Variants in SLC38A1 observed in about 807,000 individuals in gnomAD.
SLC38A1 encodes sodium-coupled neutral amino acid symporter 1.
In SLC38A1, 18 loss-of-function variants were observed where a neutral mutation model predicts 60.3. The ratio of observed to expected loss-of-function variants is 0.30; its 90% CI spans 0.21 to 0.44. The LOEUF (loss-of-function observed/expected upper bound fraction) is 0.44, where lower values mean the gene tolerates loss of function less well. Among genes scored for constraint, SLC38A1 ranks in the 20% least tolerant of loss-of-function variants. The pLI is 1.00. For missense variants in SLC38A1, 448 were observed against 587.2 expected (o/e 0.76, Z 2.45); for synonymous variants, 196 against 212.1 (o/e 0.92, Z 0.66).
At chr12:46,263,063 A>C (rs1217907825) in intron 1 of SLC38A1, among the ~76,000 whole-genome samples, 1 of 152,240 alleles carries the variant, frequency 6.6e-6, no homozygotes, top group Non-Finnish European at 1.5e-5. Flanking sequence ...AATAGGCCTC[A>C]GTTCTAACAG....
Position 46,226,617 on chromosome 12 carries a change from CTTTTTTTTTTTT to C in SLC38A1, c.314+2524_314+2535del, listed in dbSNP as rs199599486. On this transcript the variant is annotated intron_variant, in intron 5 of 16. Coordinates refer to ENST00000398637, the MANE Select transcript of SLC38A1 (RefSeq NM_030674.4). ...TCCCAAACTGAAGGTCATGGATTTCCTTTTTTTTTTTTTTTTTTTTTTTTTGAGACGGAATCT... is the reference window on the plus strand; with the variant it reads ...TCCCAAACTGAAGGTCATGGATTTCCTTTTTTTTTTTTTGAGACGGAATCT... Among the ~76,000 whole-genome samples the C allele has an allele frequency of 3.7e-4, 45 of 123,006 alleles. 1 individual carries two copies. The highest frequency in any genetic ancestry group is 2.7e-3 in the Admixed American group (32 of 11,640). The allele number at this position is 123,006 out of a possible 152,430, so 80.7% of individuals were successfully genotyped here.
At chr12:46,232,744 T>C (rs1941122463) in intron 3 of SLC38A1, among the ~76,000 whole-genome samples, 1 of 152,236 alleles carries the variant, frequency 6.6e-6, no homozygotes, top group Admixed American at 6.5e-5. Flanking sequence ...AATCCAAGGA[T>C]GCTCAAGTCC....
chr12:46,185,302 A>T lies in SLC38A1; in HGVS notation c.*3668T>A, dbSNP rs1284262511. ...ACCACTGGCTTAGAGGCATGAATCA[A>T]GCTCTAGAAAGCAGTCAGTTCCAGG... On this transcript the variant is annotated 3_prime_UTR_variant, in exon 17 of 17. Coordinates refer to ENST00000398637, the MANE Select transcript of SLC38A1 (RefSeq NM_030674.4). 1 of 152,158 alleles carries T rather than the reference A, an allele frequency of 6.6e-6. No individual in the cohort carries two copies. Among genetic ancestry groups the T allele is most frequent in the Non-Finnish European group, 1.5e-5 (1 of 68,070 alleles). The allele number at this position is 152,158 out of a possible 1,614,324, so 9.4% of individuals were successfully genotyped here.
In SLC38A1 at chr12:46,255,455, A is replaced by T. The variant is rs547900087; in HGVS notation, c.-208-12141T>A. Among the ~76,000 whole-genome samples, 49 of 152,314 alleles carry T rather than the reference A, an allele frequency of 3.2e-4. No homozygotes were observed. The South Asian group carries it at 6.0e-3, about 19-fold the overall frequency. On this transcript the variant is annotated intron_variant, in intron 1 of 16. Transcript: ENST00000398637. ...CACATACAGAATCCTTTTTTACAAGATTAGTTTTTTACACTTTCCATAACT... is the reference window on the plus strand; with the variant it reads ...CACATACAGAATCCTTTTTTACAAGTTTAGTTTTTTACACTTTCCATAACT...
chr12:46,228,303 A>T (rs537384945), intron 5 of SLC38A1, among the ~76,000 whole-genome samples: 1 of 152,322 alleles, frequency 6.6e-6, no homozygotes, highest in South Asian at 2.1e-4. Flanking sequence ...TTTTGAAAGG[A>T]TATCCACAGT....
chr12:46,200,798 C>G (rs886432412), intron 13 of SLC38A1, among the ~76,000 whole-genome samples: 1 of 152,128 alleles, frequency 6.6e-6, no homozygotes, highest in African/African-American at 2.4e-5. Context: ...ATTAGGAAAG[C>G]CTTCTCTGAT....
At position 46,184,957 on chromosome 12, in the gene SLC38A1, G is replaced by A. The variant is rs1938885825; in HGVS notation, c.*4013C>T. 1 of 152,130 alleles carries A rather than the reference G, an allele frequency of 6.6e-6. No individual in the cohort carries two copies. The highest frequency in any genetic ancestry group is 1.5e-5 in the Non-Finnish European group (1 of 68,016). The allele number at this position is 152,130 out of a possible 1,614,324, so 9.4% of individuals were successfully genotyped here. On this transcript the variant is annotated 3_prime_UTR_variant, in exon 17 of 17. Transcript: ENST00000398637. ...TCAACGAGAAGGGGATAACCAGGTGGCAGCGCTGGATTCACTCACTTTCTT... is the reference window on the plus strand; with the variant it reads ...TCAACGAGAAGGGGATAACCAGGTGACAGCGCTGGATTCACTCACTTTCTT...
intron 3 of SLC38A1, among the ~76,000 whole-genome samples, chr12:46,234,553 T>C (rs1436170667): frequency 6.6e-6 from 1 of 151,576 alleles, no homozygotes; most frequent in Admixed American, 6.6e-5. Context: ...GTTCACGCCA[T>C]TCTCCTGCCT....
At chr12:46,203,346 A>T (rs1939747870) in intron 11 of SLC38A1, among the ~76,000 whole-genome samples, 1 of 152,162 alleles carries the variant, frequency 6.6e-6, no homozygotes, top group South Asian at 2.1e-4. Flanking sequence ...CTCCAGGTAT[A>T]CAACACCCCC....
intron 5 of SLC38A1, among the ~76,000 whole-genome samples, chr12:46,225,292 G>A (rs1940819039): frequency 6.6e-6 from 1 of 152,164 alleles, no homozygotes; most frequent in Non-Finnish European, 1.5e-5. Flanking sequence ...TCAAGAAATA[G>A]CTAGATTCCC....
chr12:46,205,523 T>C (rs1235557774), intron 9 of SLC38A1, among the ~76,000 whole-genome samples: 2 of 152,162 alleles, frequency 1.3e-5, no homozygotes, highest in African/African-American at 4.8e-5. Context: ...TCAGGCATCC[T>C]TGTCTCCAAA....
chr12:46,254,429 T>A (rs112070991), intron 1 of SLC38A1, among the ~76,000 whole-genome samples: 2,335 of 152,342 alleles, frequency 0.015, 60 homozygotes, highest in African/African-American at 0.053. Flanking sequence ...CTTGGCCTGA[T>A]TTTTTGTATA....
At chr12:46,255,250 G>A (rs368369029) in intron 1 of SLC38A1, among the ~76,000 whole-genome samples, 8 of 152,158 alleles carry the variant, frequency 5.3e-5, no homozygotes, top group Non-Finnish European at 1.2e-4. Flanking sequence ...TTAAAGCCAC[G>A]ATTGACTAGG....
rs1938974960 is a variant in SLC38A1 at position 46,187,467 on chromosome 12, TG to T, written c.*1502del. 1.3e-5 allele frequency: 2 copies of T among 152,236 alleles called. No individual in the cohort carries two copies. Among genetic ancestry groups the T allele is most frequent in the African/African-American group, 4.8e-5 (2 of 41,464 alleles). 9.4% of individuals were successfully genotyped at this position (152,236 alleles called of 1,614,324 possible). On this transcript the variant is annotated 3_prime_UTR_variant, in exon 17 of 17. Transcript: ENST00000398637. ...GCAAGCTATGGACAATTCAATCACA[TG>T]GGATGGCCCCACTTAGGGGAATGCA... is the stretch of plus-strand genomic sequence containing the variant.
chr12:46,219,711 C>G (rs190500138), intron 5 of SLC38A1, among the ~76,000 whole-genome samples: 27,080 of 152,100 alleles, frequency 0.18, 4,063 homozygotes, highest in East Asian at 0.45. Context: ...GTGATAACTC[C>G]AACCTGGCCT....
At chr12:46,259,666 A>C (rs1204917408) in intron 1 of SLC38A1, among the ~76,000 whole-genome samples, 1 of 152,274 alleles carries the variant, frequency 6.6e-6, no homozygotes, top group East Asian at 1.9e-4. Context: ...AAACCTGGGA[A>C]GCTAGTAAGT....
At chr12:46,203,469 A>G (rs1363402702) in intron 11 of SLC38A1, among the ~76,000 whole-genome samples, 1 of 152,088 alleles carries the variant, frequency 6.6e-6, no homozygotes, top group East Asian at 1.9e-4. Context: ...GCTCCCTCCA[A>G]CAGGTCAGGC....
chr12:46,236,759 T>A (rs1446731997), intron 3 of SLC38A1, among the ~76,000 whole-genome samples: 1 of 152,152 alleles, frequency 6.6e-6, no homozygotes, highest in African/African-American at 2.4e-5. Flanking sequence ...CTACTCAAAG[T>A]TTGGTTCATG....
intron 5 of SLC38A1, among the ~76,000 whole-genome samples, chr12:46,222,687 G>C (rs1240396243): frequency 6.6e-6 from 1 of 152,040 alleles, no homozygotes; most frequent in Non-Finnish European, 1.5e-5. Flanking sequence ...GCTATCACTT[G>C]GTGTTTAATT....
Sources: allele counts gnomAD v4.1 joint callset (sites outside exome capture counted in the v4.1 genomes callset), GRCh38; gene constraint gnomAD v4.1.1; transcripts MANE v1.5; gene names NCBI Gene and HGNC (gene_info 2026-07-23, HGNC 2026-07-21).